LURAP1L: variants seen among roughly 807,000 people sequenced by gnomAD.
LURAP1L encodes leucine rich adaptor protein 1-like.
LURAP1L carries 12 observed loss-of-function variants against 13.8 expected under a neutral mutation model. The ratio of observed to expected loss-of-function variants is 0.87; its 90% CI spans 0.56 to 1.41. The LOEUF is 1.41. Among genes scored for constraint, LURAP1L ranks in the 40% most tolerant of loss-of-function variants. The probability of loss-of-function intolerance (pLI) is 0.00; values close to 1 mark genes in which losing one functional copy is unlikely to be tolerated. For synonymous variants in LURAP1L, 139 were observed against 119.2 expected, an observed-to-expected ratio of 1.17 and a Z score of -1.08; for missense variants, 375 against 292.9, an observed-to-expected ratio of 1.28 and a Z score of -2.04.
intron 1 of LURAP1L, among the ~76,000 whole-genome samples, chr9:12,819,356 T>A (rs1238459973): frequency 6.6e-6 from 1 of 152,216 alleles, no homozygotes; most frequent in African/African-American, 2.4e-5. Context: ...CAATCTTGCA[T>A]CTCTTGCAGT....
At chr9:12,786,682 A>T (rs899761614) in intron 1 of LURAP1L, among the ~76,000 whole-genome samples, 5 of 150,342 alleles carry the variant, frequency 3.3e-5, no homozygotes, top group Non-Finnish European at 7.4e-5. Flanking sequence ...CATGATAACA[A>T]AACAGATTCT....
At chr9:12,802,976 G>A (rs980123138) in intron 1 of LURAP1L, among the ~76,000 whole-genome samples, 1 of 152,100 alleles carries the variant, frequency 6.6e-6, no homozygotes, top group African/African-American at 2.4e-5. Flanking sequence ...CCATCTGACT[G>A]ACAGATGTCT....
chr9:12,822,599 C>T lies in LURAP1L; in HGVS notation c.*839C>T, dbSNP rs535035339. Among the ~76,000 whole-genome samples the T allele has an allele frequency of 2.0e-5, 3 of 152,144 alleles. No individual in the cohort carries two copies. Among genetic ancestry groups the T allele is most frequent in the Non-Finnish European group, 2.9e-5 (2 of 68,000 alleles). Reference sequence around the variant, plus strand: ...TATAAATACTTAGATGCATACAAGCCGATGGATAGAAAGACAGATAAATAT... The same window carrying T: ...TATAAATACTTAGATGCATACAAGCTGATGGATAGAAAGACAGATAAATAT... On this transcript the variant is annotated 3_prime_UTR_variant, in exon 2 of 2. Transcript: ENST00000319264.
rs754557712 is a variant in LURAP1L at position 12,821,419 on chromosome 9, C to T, written c.346C>T (p.Arg116Cys). 18 of 1,613,904 alleles carry T rather than the reference C, an allele frequency of 1.1e-5. No homozygotes were observed. Among genetic ancestry groups the T allele is most frequent in the Admixed American group, 6.7e-5 (4 of 59,990 alleles). ...CAGAGCCACAGACGTCAGGCTCATGCGCCAGTTGCTTGTAATCAATGAGAG... is the reference window on the plus strand; with the variant it reads ...CAGAGCCACAGACGTCAGGCTCATGTGCCAGTTGCTTGTAATCAATGAGAG... ...NLRATDVRLMRQLLVINESIE... is the reference protein window; with the variant it reads ...NLRATDVRLMCQLLVINESIE... Residue 116 changes from arginine to cysteine, a missense_variant, in exon 2 of 2, where the codon CGC (arginine) becomes TGC (cysteine). Coordinates refer to ENST00000319264, the MANE Select transcript of LURAP1L (RefSeq NM_203403.2).
At position 12,823,021 on chromosome 9, in the gene LURAP1L, A is replaced by T. The variant is rs1819902390; in HGVS notation, c.*1261A>T. Among the ~76,000 whole-genome samples the T allele has an allele frequency of 6.6e-6, 1 of 152,320 alleles. No individual in the cohort carries two copies. The highest frequency in any genetic ancestry group is 1.9e-4 in the East Asian group (1 of 5,184). ...ATTTATTATTGTTTATTTCCAAGGC[A>T]TGTATTATTCAATTTCTAATTAAAA... On this transcript the variant is annotated 3_prime_UTR_variant, in exon 2 of 2. Coordinates refer to ENST00000319264, the MANE Select transcript of LURAP1L (RefSeq NM_203403.2).
intron 1 of LURAP1L, among the ~76,000 whole-genome samples, chr9:12,809,169 C>G (rs1346384853): frequency 6.6e-6 from 1 of 152,104 alleles, no homozygotes; most frequent in African/African-American, 2.4e-5. Context: ...TGCATCTGCC[C>G]CCATGACCGA....
At chr9:12,780,126 C>G (rs1446156565) in intron 1 of LURAP1L, among the ~76,000 whole-genome samples, 2 of 152,292 alleles carry the variant, frequency 1.3e-5, no homozygotes, top group East Asian at 1.9e-4. Flanking sequence ...AGATTCTGTT[C>G]AGGATAAAAC....
chr9:12,807,118 T>TATATATATATATATATATATATATA (rs1563896115), intron 1 of LURAP1L, among the ~76,000 whole-genome samples: 16 of 133,718 alleles, frequency 1.2e-4, no homozygotes, highest in African/African-American at 2.0e-4. Flanking sequence ...TATATATATA[T>TATATATATATATATATATATATATA]TAGCCGGGCG....
At chr9:12,786,581 T>TATATATATATATATATATATAAC (rs61134838) in intron 1 of LURAP1L, among the ~76,000 whole-genome samples, 9 of 121,450 alleles carry the variant, frequency 7.4e-5, no homozygotes, top group Non-Finnish European at 1.3e-4. Context: ...TATATATATA[T>TATATATATATATATATATATAAC]AAACCCTTGT....
intron 1 of LURAP1L, among the ~76,000 whole-genome samples, chr9:12,815,453 T>C: frequency 6.6e-6 from 1 of 152,190 alleles, no homozygotes; most frequent in African/African-American, 2.4e-5. Context: ...TAGTTTCTCC[T>C]AATGAGAAAC....
At chr9:12,821,119 G>A (rs888811789) in intron 1 of LURAP1L, among the ~76,000 whole-genome samples, 3 of 152,286 alleles carry the variant, frequency 2.0e-5, no homozygotes, top group Admixed American at 6.5e-5. Flanking sequence ...AGTATGATAT[G>A]TTCAGGCCAC....
chr9:12,792,550 C>G (rs1474523864), intron 1 of LURAP1L, among the ~76,000 whole-genome samples: 1 of 152,002 alleles, frequency 6.6e-6, no homozygotes, highest in Non-Finnish European at 1.5e-5. Context: ...GAGTATTTGT[C>G]CAATAAATGT....
chr9:12,775,489 G>T lies in LURAP1L; in HGVS notation c.-227G>T. 1.9e-6 allele frequency: 1 copy of T among 539,380 alleles called. No homozygotes were observed. The highest frequency in any genetic ancestry group is 3.1e-6 in the Non-Finnish European group (1 of 325,760). 33.4% of individuals were successfully genotyped at this position (539,380 alleles called of 1,614,324 possible). A position where few individuals can be genotyped will look rare whatever the true frequency, so the allele number is the denominator to read the frequency against. On this transcript the variant is annotated 5_prime_UTR_variant, in exon 1 of 2. Transcript: ENST00000319264. ...AGGAGATCTTGATCATCTTAGTGTC[G>T]GAGGAGTCGCAGCGGACTGGGAACT...
chr9:12,808,356 A>G (rs1819689528), intron 1 of LURAP1L, among the ~76,000 whole-genome samples: 1 of 152,156 alleles, frequency 6.6e-6, no homozygotes, highest in Non-Finnish European at 1.5e-5. Context: ...ATAACATAAA[A>G]TATACTATTT....
intron 1 of LURAP1L, among the ~76,000 whole-genome samples, chr9:12,818,472 A>T (rs6474735): frequency 0.34 from 52,301 of 151,834 alleles, 9,901 homozygotes; most frequent in African/African-American, 0.5. Context: ...CCTTAAGATA[A>T]GGAAGAAATG....
At chr9:12,814,564 G>C (rs2118544300) in intron 1 of LURAP1L, among the ~76,000 whole-genome samples, 1 of 152,256 alleles carries the variant, frequency 6.6e-6, no homozygotes, top group South Asian at 2.1e-4. Context: ...AAATCATACT[G>C]AAAAGCTGCA....
At chr9:12,785,617 T>C (rs1487586638) in intron 1 of LURAP1L, among the ~76,000 whole-genome samples, 2 of 152,194 alleles carry the variant, frequency 1.3e-5, no homozygotes, top group Admixed American at 1.3e-4. Flanking sequence ...AATTCTGCCC[T>C]GTATTGCTTT....
chr9:12,816,626 G>C (rs933456339), intron 1 of LURAP1L, among the ~76,000 whole-genome samples: 1 of 152,146 alleles, frequency 6.6e-6, no homozygotes, highest in African/African-American at 2.4e-5. Flanking sequence ...ATCTGGGAAA[G>C]TTTGCTGTTA....
chr9:12,788,386 A>C (rs1479272864), intron 1 of LURAP1L, among the ~76,000 whole-genome samples: 1 of 152,110 alleles, frequency 6.6e-6, no homozygotes, highest in Non-Finnish European at 1.5e-5. Flanking sequence ...TTAAAGTTAA[A>C]CTGACACTAT....
Sources: allele counts gnomAD v4.1 joint callset (sites outside exome capture counted in the v4.1 genomes callset), GRCh38; gene constraint gnomAD v4.1.1; transcripts MANE v1.5; gene names NCBI Gene and HGNC (gene_info 2026-07-23, HGNC 2026-07-21).